The following ANO4 variants were observed in gnomAD, a reference collection of about 807,000 sequenced individuals.
ANO4 encodes the protein anoctamin-4.
ANO4 carries 69 observed loss-of-function variants against 141.9 expected under a neutral mutation model. The observed-to-expected ratio is 0.49, with a 90% CI of 0.40 to 0.59. ANO4 has a LOEUF of 0.59. Ranked by LOEUF, ANO4 falls within the 20% of genes least tolerant of loss-of-function variation. The pLI, the probability that ANO4 is intolerant of heterozygous loss-of-function variation, is 0.00. For synonymous variants in ANO4, 350 were observed against 394.3 expected (o/e 0.89, Z 1.33); for missense variants, 894 against 1,162.2 (o/e 0.77, Z 3.36).
intron 2 of ANO4, among the ~76,000 whole-genome samples, chr12:100,905,936 G>A (rs2040825850): frequency 6.6e-6 from 1 of 152,086 alleles, no homozygotes; most frequent in Non-Finnish European, 1.5e-5. Context: ...TATGTTGTCA[G>A]CTTTATCTTT....
intron 2 of ANO4, among the ~76,000 whole-genome samples, chr12:100,909,891 G>A (rs2041023699): frequency 6.6e-6 from 1 of 151,924 alleles, no homozygotes; most frequent in Non-Finnish European, 1.5e-5. Context: ...ATAGTATTAG[G>A]GCTGCCAAAT....
intron 3 of ANO4, among the ~76,000 whole-genome samples, chr12:100,749,821 T>C (rs1032506376): frequency 7.9e-5 from 12 of 152,188 alleles, no homozygotes; most frequent in Non-Finnish European, 1.6e-4. Flanking sequence ...CTACTCAAAG[T>C]GTGGTCCACA....
chr12:100,954,078 C>G (rs2043082337), intron 5 of ANO4, among the ~76,000 whole-genome samples: 1 of 152,200 alleles, frequency 6.6e-6, no homozygotes, highest in South Asian at 2.1e-4. Flanking sequence ...TGGGTGCTAC[C>G]TCTTCACTTT....
At chr12:100,835,268 A>G (rs1236878562) in intron 1 of ANO4, among the ~76,000 whole-genome samples, 1 of 145,020 alleles carries the variant, frequency 6.9e-6, no homozygotes, top group East Asian at 2.1e-4. Flanking sequence ...GTGCCTGACA[A>G]ATACCTTTTG....
upstream of ANO4, among the ~76,000 whole-genome samples, chr12:100,790,672 C>T (rs1030579740): frequency 3.3e-5 from 5 of 151,706 alleles, no homozygotes; most frequent in African/African-American, 9.7e-5. Flanking sequence ...AATTATAGGT[C>T]TGTGATCTTA....
intron 14 of ANO4, among the ~76,000 whole-genome samples, chr12:101,078,459 A>G (rs2049113253): frequency 6.6e-6 from 1 of 152,146 alleles, no homozygotes; most frequent in African/African-American, 2.4e-5. Context: ...AATTCATTTA[A>G]GTTGATATGC....
intron 1 of ANO4, among the ~76,000 whole-genome samples, chr12:100,720,097 T>C (rs1183404438): frequency 1.3e-5 from 2 of 152,166 alleles, no homozygotes. Context: ...CGCATGAGAC[T>C]AAGGATGGGA....
At chr12:100,855,454 A>G in intron 1 of ANO4, among the ~76,000 whole-genome samples, 1 of 152,116 alleles carries the variant, frequency 6.6e-6, no homozygotes, top group South Asian at 2.1e-4. Flanking sequence ...ATCATGCCAT[A>G]TATTTAATTT....
At chr12:100,944,429 T>C (rs1014475862) in intron 5 of ANO4, among the ~76,000 whole-genome samples, 1 of 152,114 alleles carries the variant, frequency 6.6e-6, no homozygotes, top group Admixed American at 6.6e-5. Flanking sequence ...AAAATAGCAA[T>C]TGGAAAAAGG....
chr12:100,828,636 G>A (rs192474037), intron 1 of ANO4, among the ~76,000 whole-genome samples: 111 of 152,100 alleles, frequency 7.3e-4, no homozygotes, highest in African/African-American at 2.0e-3. Context: ...TTGTAAAGGC[G>A]ATGAGGATAC....
At chr12:100,811,122 G>T (rs2035405174) in intron 1 of ANO4, among the ~76,000 whole-genome samples, 1 of 152,058 alleles carries the variant, frequency 6.6e-6, no homozygotes, top group African/African-American at 2.4e-5. Context: ...ATCCTTTTTG[G>T]ACTGACATGG....
intron 1 of ANO4, among the ~76,000 whole-genome samples, chr12:100,882,497 G>C (rs768884609): frequency 1.3e-5 from 2 of 152,062 alleles, no homozygotes; most frequent in Non-Finnish European, 2.9e-5. Context: ...TGGTAGTAGT[G>C]GAGGCAGGAC....
At chr12:101,007,556 CAGTT>C (rs1290775011) in intron 8 of ANO4, among the ~76,000 whole-genome samples, 1 of 152,150 alleles carries the variant, frequency 6.6e-6, no homozygotes, top group African/African-American at 2.4e-5. Context: ...TAAATTCAAA[CAGTT>C]AGTGCTTGGC....
At chr12:100,981,492 G>A in intron 7 of ANO4, among the ~76,000 whole-genome samples, 1 of 151,754 alleles carries the variant, frequency 6.6e-6, no homozygotes, top group East Asian at 1.9e-4. Flanking sequence ...GGAAGGAAGG[G>A]AAAAGAAAAG....
At chr12:101,020,006 A>G in intron 8 of ANO4, 28 bp from the exon 9 acceptor site, 1 of 1,562,014 alleles carries the variant, frequency 6.4e-7, no homozygotes, top group Non-Finnish European at 8.8e-7. Flanking sequence ...ATTAATTCTC[A>G]ACTTGTATTT....
upstream of ANO4, among the ~76,000 whole-genome samples, chr12:100,791,735 C>G (rs1330247866): frequency 1.3e-5 from 2 of 152,166 alleles, no homozygotes; most frequent in Non-Finnish European, 2.9e-5. Context: ...GAGGCTGTTC[C>G]AGTTGTTCCT....
At chr12:100,909,988 T>G (rs1466085835) in intron 2 of ANO4, among the ~76,000 whole-genome samples, 1 of 152,170 alleles carries the variant, frequency 6.6e-6, no homozygotes, top group Non-Finnish European at 1.5e-5. Context: ...ATTTGAATAT[T>G]CCTAATTCAA....
In ANO4 at chr12:101,025,448, C is replaced by T. The variant is rs569090952; in HGVS notation, c.841+5308C>T. On this transcript the variant is annotated intron_variant, in intron 9 of 27. Transcript: ENST00000392977. Reference sequence around the variant, plus strand: ...GAAGTACCGGAAGGCAGCGAGAGTTCACAGAAGGAAGTACCAGAAAGCAGA... The same window carrying T: ...GAAGTACCGGAAGGCAGCGAGAGTTTACAGAAGGAAGTACCAGAAAGCAGA... Among the ~76,000 whole-genome samples, 25 of 152,284 alleles carry T rather than the reference C, an allele frequency of 1.6e-4. 1 individual carries two copies. The South Asian group carries it at 5.2e-3, about 32-fold the overall frequency.
intron 21 of ANO4, among the ~76,000 whole-genome samples, chr12:101,099,335 A>G (rs1264666210): frequency 6.6e-6 from 1 of 152,232 alleles, no homozygotes; most frequent in South Asian, 2.1e-4. Flanking sequence ...GGCAATGCCC[A>G]ACATGAGACA....
Sources: allele counts gnomAD v4.1 joint callset (sites outside exome capture counted in the v4.1 genomes callset), GRCh38; gene constraint gnomAD v4.1.1; transcripts MANE v1.5; gene names NCBI Gene and HGNC (gene_info 2026-07-23, HGNC 2026-07-21).